The following PPP4R4 variants were observed in gnomAD, a reference collection of about 807,000 sequenced individuals.
PPP4R4 encodes serine/threonine-protein phosphatase 4 regulatory subunit 4.
In PPP4R4, 70 loss-of-function variants were observed where a neutral mutation model predicts 121.8. The ratio of observed to expected loss-of-function variants is 0.57; its 90% CI spans 0.47 to 0.70. PPP4R4 has a LOEUF of 0.70. Among genes scored for constraint, PPP4R4 ranks in the 30% least tolerant of loss-of-function variants. The pLI, the probability that PPP4R4 is intolerant of heterozygous loss-of-function variation, is 0.00. For synonymous variants in PPP4R4, 348 were observed against 355.7 expected, an observed-to-expected ratio of 0.98 and a Z score of 0.24; for missense variants, 875 against 1,033.6, an observed-to-expected ratio of 0.85 and a Z score of 2.10.
chr14:94,271,001 C>T (rs1237983679), intron 23 of PPP4R4, among the ~76,000 whole-genome samples: 1 of 151,940 alleles, frequency 6.6e-6, no homozygotes, highest in African/African-American at 2.4e-5. Flanking sequence ...TGAATAGGCT[C>T]ATATCTATTA....
intron 3 of PPP4R4, among the ~76,000 whole-genome samples, chr14:94,215,483 T>G (rs1409139846): frequency 6.6e-6 from 1 of 152,136 alleles, no homozygotes; most frequent in Non-Finnish European, 1.5e-5. Flanking sequence ...TTCCAGACCC[T>G]TACAGATCAT....
At chr14:94,219,452 T>A (rs1891266202) in intron 3 of PPP4R4, among the ~76,000 whole-genome samples, 1 of 152,070 alleles carries the variant, frequency 6.6e-6, no homozygotes, top group Non-Finnish European at 1.5e-5. Flanking sequence ...ATGGTAAAAA[T>A]TAGGGTAAAT....
intron 16 of PPP4R4, among the ~76,000 whole-genome samples, chr14:94,254,916 G>T (rs1309594820): frequency 1.3e-5 from 2 of 152,124 alleles, no homozygotes; most frequent in Non-Finnish European, 2.9e-5. Context: ...GACTGTGGTA[G>T]TGCCTTAGAC....
intron 3 of PPP4R4, among the ~76,000 whole-genome samples, chr14:94,218,402 CCTCCTCACCCCTAG>C (rs1891155325): frequency 3.4e-5 from 4 of 118,914 alleles, no homozygotes; most frequent in Admixed American, 2.5e-4. Flanking sequence ...CACACACACA[CCTCCTCACCCCTAG>C]ACACCGCACG....
intron 2 of PPP4R4, among the ~76,000 whole-genome samples, chr14:94,200,940 C>T (rs1234823340): frequency 1.3e-5 from 2 of 151,794 alleles, no homozygotes; most frequent in Non-Finnish European, 1.5e-5. Context: ...TGTGCTCTTT[C>T]AGACTTTTTG....
intron 2 of PPP4R4, among the ~76,000 whole-genome samples, chr14:94,188,821 T>C (rs1889437077): frequency 6.6e-6 from 1 of 152,170 alleles, no homozygotes. Context: ...TATAGCAAAA[T>C]ATCATAATCA....
chr14:94,218,432 GCACA>G (rs548042284), intron 3 of PPP4R4, among the ~76,000 whole-genome samples: 73 of 79,536 alleles, frequency 9.2e-4, no homozygotes, highest in African/African-American at 3.2e-3. Context: ...GCACGCGCGC[GCACA>G]CACACACACC....
intron 15 of PPP4R4, among the ~76,000 whole-genome samples, chr14:94,250,848 G>T (rs1393403254): frequency 1.3e-5 from 2 of 151,860 alleles, no homozygotes; most frequent in African/African-American, 4.8e-5. Context: ...TAGTGAGTTT[G>T]TTAATTATTG....
chr14:94,256,081 C>A (rs931030563), intron 16 of PPP4R4, among the ~76,000 whole-genome samples: 3 of 152,192 alleles, frequency 2.0e-5, no homozygotes, highest in Admixed American at 1.3e-4. Context: ...TTCAGTGGAA[C>A]CTTCAATGAC....
intron 19 of PPP4R4, among the ~76,000 whole-genome samples, chr14:94,260,118 A>G (rs924242356): frequency 8.5e-5 from 13 of 152,168 alleles, no homozygotes; most frequent in African/African-American, 2.9e-4. Context: ...ACTTAAAAAT[A>G]AAATAAAACT....
At chr14:94,233,196 A>G (rs1404119501) in intron 5 of PPP4R4, among the ~76,000 whole-genome samples, 1 of 152,236 alleles carries the variant, frequency 6.6e-6, no homozygotes, top group Non-Finnish European at 1.5e-5. Context: ...ACATAATGCA[A>G]TATCAGACTT....
At chr14:94,186,692 A>T (rs1211494645) in intron 2 of PPP4R4, among the ~76,000 whole-genome samples, 2 of 152,196 alleles carry the variant, frequency 1.3e-5, no homozygotes, top group East Asian at 3.8e-4. Context: ...AGGTGATGGT[A>T]CCATTTTACA....
At chr14:94,174,705 C>T in intron 1 of PPP4R4, 123 bp downstream of exon 1, 9 of 1,443,330 alleles carry the variant, frequency 6.2e-6, no homozygotes, top group Non-Finnish European at 8.2e-6. Flanking sequence ...CCCTCTCAGT[C>T]GGGCCGGCCC....
intron 7 of PPP4R4, among the ~76,000 whole-genome samples, chr14:94,236,611 G>T (rs1213314945): frequency 6.6e-6 from 1 of 152,016 alleles, no homozygotes; most frequent in Non-Finnish European, 1.5e-5. Context: ...TAATATGGTA[G>T]CCCCTAGTCA....
At chr14:94,268,199 T>C (rs1275699979) in intron 23 of PPP4R4, among the ~76,000 whole-genome samples, 5 of 152,216 alleles carry the variant, frequency 3.3e-5, no homozygotes, top group African/African-American at 4.8e-5. Context: ...AAAATTTTAG[T>C]GTACAAAACC....
chr14:94,269,517 T>TAA (rs200892161), intron 23 of PPP4R4, among the ~76,000 whole-genome samples: 2 of 141,814 alleles, frequency 1.4e-5, no homozygotes, highest in African/African-American at 5.2e-5. Flanking sequence ...CTACTAAAAA[T>TAA]AAAAAAAAAA....
chr14:94,264,612 C>T (rs983882871), intron 19 of PPP4R4, among the ~76,000 whole-genome samples: 8 of 152,016 alleles, frequency 5.3e-5, no homozygotes, highest in South Asian at 4.1e-4. Context: ...TAGGAAATAC[C>T]GTCTAGAAAA....
chr14:94,181,733 C>T (rs1242306817), intron 2 of PPP4R4, among the ~76,000 whole-genome samples: 2 of 152,102 alleles, frequency 1.3e-5, no homozygotes, highest in African/African-American at 4.8e-5. Context: ...TTTGTTCTTC[C>T]ATACTTTAGT....
chr14:94,245,999 G>A (rs1892873720), intron 13 of PPP4R4, among the ~76,000 whole-genome samples: 1 of 152,030 alleles, frequency 6.6e-6, no homozygotes, highest in Admixed American at 6.6e-5. Context: ...TATTTTTTAA[G>A]CCTCTGTGTA....
Sources: gnomAD v4.1 joint callset for allele counts (sites outside exome capture counted in the v4.1 genomes callset) on GRCh38, gnomAD v4.1.1 for gene constraint, MANE v1.5 for transcripts, NCBI Gene and HGNC (gene_info 2026-07-23, HGNC 2026-07-21) for gene names.